MACROD2: variants seen among roughly 807,000 people sequenced by gnomAD.
MACROD2 encodes mono-ADP ribosylhydrolase 2.
Under a neutral mutation model 70.4 loss-of-function variants are expected in MACROD2, and 36 were observed. That is an observed-to-expected ratio of 0.51 (90% CI 0.39 to 0.68). The LOEUF is 0.68. Among genes scored for constraint, MACROD2 ranks in the 30% least tolerant of loss-of-function variants. The probability of loss-of-function intolerance (pLI) is 0.00; values close to 1 mark genes in which losing one functional copy is unlikely to be tolerated. For missense variants in MACROD2, 496 were observed against 538.4 expected (o/e 0.92, Z 0.78); for synonymous variants, 172 against 178.8 (o/e 0.96, Z 0.30).
chr20:15,080,292 A>C (rs1465389267), intron 5 of MACROD2, among the ~76,000 whole-genome samples: 3 of 152,146 alleles, frequency 2.0e-5, no homozygotes, highest in Non-Finnish European at 4.4e-5. Flanking sequence ...AGTCTACTGC[A>C]AAACACACTT....
chr20:14,260,547 C>G (rs1041008016), intron 3 of MACROD2, among the ~76,000 whole-genome samples: 8 of 152,240 alleles, frequency 5.3e-5, no homozygotes, highest in African/African-American at 1.4e-4. Context: ...AAGGGATCCT[C>G]CCACCTTGGC....
rs993715592 is a variant in MACROD2, at chr20:15,094,482, G to A, written c.419-135458G>A. Among the ~76,000 whole-genome samples, 3 of 152,264 alleles carry A rather than the reference G, an allele frequency of 2.0e-5. No homozygotes were observed. The South Asian group carries it at 6.2e-4, about 32-fold the overall frequency. The stretch of plus-strand genomic sequence containing the variant: ...TTTTATACTTAAATATGTCAAGCCT[G>A]TAGTCTGTGTCCAAATATTTAAAGT... On this transcript the variant is annotated intron_variant, in intron 5 of 17. Transcript: ENST00000684519.
intron 4 of MACROD2, among the ~76,000 whole-genome samples, chr20:14,558,784 C>A (rs912390186): frequency 1.3e-5 from 2 of 151,648 alleles, no homozygotes; most frequent in Non-Finnish European, 3.0e-5. Context: ...AGATTTATGT[C>A]TATACTAAGT....
intron 5 of MACROD2, among the ~76,000 whole-genome samples, chr20:15,163,304 G>GA (rs11428226): frequency 0.12 from 17,448 of 149,484 alleles, 1,084 homozygotes; most frequent in Middle Eastern, 0.16. Context: ...AACTATTCAG[G>GA]AAAAAAAAAG....
At chr20:14,657,724 GT>G in intron 4 of MACROD2, among the ~76,000 whole-genome samples, 1 of 152,236 alleles carries the variant, frequency 6.6e-6, no homozygotes, top group East Asian at 1.9e-4. Context: ...TATTCTTGTT[GT>G]TATTTAAAAT....
intron 5 of MACROD2, among the ~76,000 whole-genome samples, chr20:14,836,626 A>G (rs2073033090): frequency 6.6e-6 from 1 of 152,100 alleles, no homozygotes; most frequent in Admixed American, 6.6e-5. Context: ...TAGGTTGCCT[A>G]TACTAGTCAA....
intron 7 of MACROD2, among the ~76,000 whole-genome samples, chr20:15,496,477 A>G (rs2047299348): frequency 6.6e-6 from 1 of 152,222 alleles, no homozygotes; most frequent in Non-Finnish European, 1.5e-5. Flanking sequence ...AGGAGGTCAC[A>G]AATAATTGAG....
At chr20:14,542,458 A>C (rs1035490259) in intron 4 of MACROD2, among the ~76,000 whole-genome samples, 1 of 152,242 alleles carries the variant, frequency 6.6e-6, no homozygotes, top group Non-Finnish European at 1.5e-5. Flanking sequence ...TCCATAACTT[A>C]ATGTTCTATG....
At chr20:15,895,035 C>T (rs890201469) in intron 10 of MACROD2, among the ~76,000 whole-genome samples, 1 of 152,200 alleles carries the variant, frequency 6.6e-6, no homozygotes, top group Non-Finnish European at 1.5e-5. Flanking sequence ...ATTCCCATCA[C>T]ATCCATAACC....
At chr20:15,097,297 G>A (rs1264222800) in intron 5 of MACROD2, among the ~76,000 whole-genome samples, 2 of 152,112 alleles carry the variant, frequency 1.3e-5, no homozygotes, top group Admixed American at 1.3e-4. Context: ...TGTATGTCAT[G>A]GAGTATGTAT....
At chr20:15,657,374 T>C (rs1172028100) in intron 8 of MACROD2, among the ~76,000 whole-genome samples, 2 of 152,198 alleles carry the variant, frequency 1.3e-5, no homozygotes, top group East Asian at 3.9e-4. Context: ...CTACCTGTTG[T>C]TGCTGGTATG....
intron 4 of MACROD2, among the ~76,000 whole-genome samples, chr20:14,519,329 A>G (rs1190436589): frequency 6.6e-6 from 1 of 152,176 alleles, no homozygotes. Flanking sequence ...AAGTGTCCCA[A>G]ACTGTAGGGA....
At chr20:15,190,978 C>CA (rs2076566684) in intron 5 of MACROD2, among the ~76,000 whole-genome samples, 1 of 152,204 alleles carries the variant, frequency 6.6e-6, no homozygotes, top group African/African-American at 2.4e-5. Context: ...TAAGAACTGA[C>CA]TAACCCTGAT....
intron 15 of MACROD2, among the ~76,000 whole-genome samples, chr20:16,004,655 C>T (rs1043075413): frequency 2.0e-5 from 3 of 152,254 alleles, no homozygotes; most frequent in Non-Finnish European, 4.4e-5. Flanking sequence ...TCCGGCTCTG[C>T]GGCCCCTGTC....
intron 9 of MACROD2, among the ~76,000 whole-genome samples, chr20:15,874,180 C>T (rs556586674): frequency 2.3e-4 from 34 of 150,610 alleles, no homozygotes; most frequent in South Asian, 6.3e-4. Context: ...GTTTTCTGTC[C>T]TTGTGATGTT....
chr20:14,696,633 T>A (rs1010128035), intron 5 of MACROD2, among the ~76,000 whole-genome samples: 1 of 152,174 alleles, frequency 6.6e-6, no homozygotes, highest in Non-Finnish European at 1.5e-5. Flanking sequence ...ACCTGTGACA[T>A]TTTCAGGAAA....
At chr20:15,136,241 C>T (rs1473030611) in intron 5 of MACROD2, among the ~76,000 whole-genome samples, 1 of 146,134 alleles carries the variant, frequency 6.8e-6, no homozygotes, top group Non-Finnish European at 1.5e-5. Flanking sequence ...CAAAAAAGAG[C>T]CCGCATTGCC....
chr20:14,789,578 C>T (rs910938548), intron 5 of MACROD2, among the ~76,000 whole-genome samples: 9 of 142,026 alleles, frequency 6.3e-5, no homozygotes, highest in Admixed American at 1.5e-4. Context: ...CAGGTTCATG[C>T]GATTCTCCTG....
At chr20:15,281,194 G>C (rs1479483667) in intron 6 of MACROD2, among the ~76,000 whole-genome samples, 3 of 152,182 alleles carry the variant, frequency 2.0e-5, no homozygotes, top group Non-Finnish European at 2.9e-5. Flanking sequence ...AGGGATTGTA[G>C]GTATTACAAC....
Sources: allele counts gnomAD v4.1 joint callset (sites outside exome capture counted in the v4.1 genomes callset), GRCh38; gene constraint gnomAD v4.1.1; transcripts MANE v1.5; gene names NCBI Gene and HGNC (gene_info 2026-07-23, HGNC 2026-07-21).